PRKDC: variants seen among roughly 807,000 people sequenced by gnomAD.
The protein encoded by PRKDC is protein kinase, DNA-activated, catalytic subunit.
A neutral mutation model predicts 486.9 loss-of-function variants in PRKDC; 82 were observed. The ratio of observed to expected loss-of-function variants is 0.17; its 90% CI spans 0.14 to 0.20. The LOEUF (loss-of-function observed/expected upper bound fraction) is 0.20. Ranked by LOEUF, PRKDC falls within the 10% of genes least tolerant of loss-of-function variation. The probability of loss-of-function intolerance (pLI) is 1.00; values close to 1 mark genes in which losing one functional copy is unlikely to be tolerated. For synonymous variants in PRKDC, 1,895 were observed against 1,837.0 expected, an observed-to-expected ratio of 1.03 and a Z score of -0.81; for missense variants, 4,504 against 5,038.2, an observed-to-expected ratio of 0.89 and a Z score of 3.21.
At chr8:47,882,143 A>G (rs1321887679) in intron 36 of PRKDC, 46 bp from the exon 37 acceptor site, 1 of 1,547,102 alleles carries the variant, frequency 6.5e-7, no homozygotes, top group African/African-American at 1.4e-5. Flanking sequence ...TAATTTTGAG[A>G]ATGACAGAAA....
chr8:47,787,035 T>A (rs1166428599), intron 76 of PRKDC, among the ~76,000 whole-genome samples: 3 of 152,174 alleles, frequency 2.0e-5, no homozygotes, highest in African/African-American at 7.2e-5. Context: ...CAGATATGTT[T>A]ATTTCTAAAA....
At chr8:47,922,180 T>TGCACCC (rs2090083421) in intron 21 of PRKDC, among the ~76,000 whole-genome samples, 1 of 151,986 alleles carries the variant, frequency 6.6e-6, no homozygotes, top group African/African-American at 2.4e-5. Context: ...TCACCCAGGC[T>TGCACCC]ATGGTGCAGT....
chr8:47,799,137 C>T (rs746795728), intron 72 of PRKDC, 73 bp downstream of exon 72: 64 of 1,547,444 alleles, frequency 4.1e-5, no homozygotes, highest in Non-Finnish European at 5.6e-5. Flanking sequence ...AAGAGGAGAC[C>T]AAAGGTATGT....
At chr8:47,795,334 C>A (rs572577983) in intron 73 of PRKDC, among the ~76,000 whole-genome samples, 2 of 149,486 alleles carry the variant, frequency 1.3e-5, no homozygotes, top group African/African-American at 5.0e-5. Flanking sequence ...GGACTACAGG[C>A]GCCTGCCACC....
intron 25 of PRKDC, among the ~76,000 whole-genome samples, chr8:47,907,686 C>A (rs911192524): frequency 1.3e-5 from 2 of 151,870 alleles, no homozygotes; most frequent in Non-Finnish European, 2.9e-5. Context: ...AGGCGTCCAC[C>A]ACCACGCCCG....
At chr8:47,799,090 T>C (rs1026699637) in intron 72 of PRKDC, 120 bp downstream of exon 72, 8 of 1,313,096 alleles carry the variant, frequency 6.1e-6, no homozygotes, top group East Asian at 2.5e-5. Context: ...AAAAAGACAG[T>C]AGGATTTTCA....
intron 16 of PRKDC, among the ~76,000 whole-genome samples, chr8:47,931,754 A>G (rs923536918): frequency 6.6e-6 from 1 of 152,172 alleles, no homozygotes; most frequent in Non-Finnish European, 1.5e-5. Flanking sequence ...TCTGGTCTGA[A>G]ACAATCACTG....
At chr8:47,781,784 T>C (rs904001618) in intron 80 of PRKDC, among the ~76,000 whole-genome samples, 2 of 152,216 alleles carry the variant, frequency 1.3e-5, no homozygotes, top group Non-Finnish European at 2.9e-5. Flanking sequence ...AGCTTCCTCA[T>C]CTGTATAGCA....
chr8:47,859,082 T>C, intron 46 of PRKDC, 96 bp from the exon 47 acceptor site: 1 of 1,284,738 alleles, frequency 7.8e-7, no homozygotes, highest in East Asian at 2.3e-5. Context: ...CAACAGCATA[T>C]AACAAACACT....
intron 43 of PRKDC, 83 bp downstream of exon 43, chr8:47,862,290 T>C (rs1167449242): frequency 1.4e-6 from 2 of 1,449,752 alleles, no homozygotes; most frequent in Non-Finnish European, 1.9e-6. Flanking sequence ...TAAGATGGTA[T>C]AAATTATCTG....
intron 67 of PRKDC, 138 bp downstream of exon 67, chr8:47,819,264 G>A: frequency 1.8e-6 from 1 of 561,548 alleles, no homozygotes; most frequent in Non-Finnish European, 3.1e-6. Context: ...CTGAAAATAG[G>A]TATTTGTAGA....
chr8:47,874,974 G>A (rs140082454), intron 40 of PRKDC, among the ~76,000 whole-genome samples: 42 of 152,232 alleles, frequency 2.8e-4, no homozygotes, highest in African/African-American at 8.9e-4. Context: ...AGGATTGCCT[G>A]AACCCAGGAG....
intron 74 of PRKDC, among the ~76,000 whole-genome samples, chr8:47,792,649 G>C (rs115056889): frequency 0.068 from 10,346 of 152,188 alleles, 575 homozygotes; most frequent in Admixed American, 0.19. Context: ...AATCCTTGAA[G>C]TGATGGATAC....
At chr8:47,793,805 T>G (rs554572962) in intron 74 of PRKDC, among the ~76,000 whole-genome samples, 2 of 151,546 alleles carry the variant, frequency 1.3e-5, no homozygotes, top group East Asian at 3.9e-4. Flanking sequence ...CAAAACCTCA[T>G]GATGGAGAAT....
At chr8:47,919,235 G>A (rs1293683688) in intron 21 of PRKDC, among the ~76,000 whole-genome samples, 7 of 152,208 alleles carry the variant, frequency 4.6e-5, no homozygotes, top group Admixed American at 3.9e-4. Flanking sequence ...TATCTCTTTA[G>A]TCTCTTTTAG....
chr8:47,856,912 A>T (rs1413227398), intron 49 of PRKDC, among the ~76,000 whole-genome samples: 1 of 152,240 alleles, frequency 6.6e-6, no homozygotes, highest in Non-Finnish European at 1.5e-5. Context: ...CAGCAAACAA[A>T]ACAAAACAAA....
In PRKDC at chr8:47,819,472, T is replaced by C. The variant is rs767064513; in HGVS notation, c.9375A>G (p.Arg3125=). Residue 3125 remains arginine, a synonymous_variant, in exon 67 of 86, where the codon AGA becomes AGG. Coordinates refer to ENST00000314191, the MANE Select transcript of PRKDC (RefSeq NM_006904.7). ...SSIDVLLHQS[R]LTKLQSVQAL... ...CCTGTACAGACTGCAATTTGGTGAG[T>C]CTACTTTGGTGTAAGAGGACATCAA... 1.9e-6 allele frequency: 3 copies of C among 1,549,516 alleles called. No homozygotes were observed. The highest frequency in any genetic ancestry group is 2.6e-6 in the Non-Finnish European group (3 of 1,155,748).
intron 25 of PRKDC, among the ~76,000 whole-genome samples, chr8:47,911,195 G>C (rs750795012): frequency 2.0e-5 from 3 of 152,178 alleles, no homozygotes; most frequent in Non-Finnish European, 4.4e-5. Context: ...CAAGTGCTGG[G>C]GTAGATGCTG....
At chr8:47,817,331 T>C in intron 68 of PRKDC, 119 bp downstream of exon 68, 3 of 691,120 alleles carry the variant, frequency 4.3e-6, no homozygotes, top group Non-Finnish European at 7.3e-6. Flanking sequence ...ACAGGAAGGA[T>C]GGAAAACAGC....
Sources: gnomAD v4.1 joint callset for allele counts (sites outside exome capture counted in the v4.1 genomes callset) on GRCh38, gnomAD v4.1.1 for gene constraint, MANE v1.5 for transcripts, NCBI Gene and HGNC (gene_info 2026-07-23, HGNC 2026-07-21) for gene names.